XIRP2: variants seen among roughly 807,000 people sequenced by gnomAD.
XIRP2 encodes xin actin binding repeat containing 2.
Under a neutral mutation model 277.0 loss-of-function variants are expected in XIRP2, and 236 were observed. That is an observed-to-expected ratio of 0.85 (90% CI 0.77 to 0.95). The LOEUF is 0.95. XIRP2 is among the 40% of genes least tolerant of loss of function. The pLI is 0.00. For synonymous variants in XIRP2, 1,490 were observed against 1,416.5 expected (o/e 1.05, Z -1.17); for missense variants, 4,640 against 4,157.5 (o/e 1.12, Z -3.19).
chr2:166,985,147 C>T (rs2105438317), intron 2 of XIRP2, among the ~76,000 whole-genome samples: 1 of 152,280 alleles, frequency 6.6e-6, no homozygotes, highest in Admixed American at 6.5e-5. Flanking sequence ...ATGCTAAACA[C>T]ATACTACAAT....
chr2:166,924,172 C>T (rs1685126921), intron 2 of XIRP2, among the ~76,000 whole-genome samples: 1 of 152,042 alleles, frequency 6.6e-6, no homozygotes, highest in African/African-American at 2.4e-5. Flanking sequence ...TTAGGAGATC[C>T]ACTTGGGAGT....
intron 2 of XIRP2, among the ~76,000 whole-genome samples, chr2:167,074,898 T>A (rs1324594776): frequency 6.6e-6 from 1 of 152,126 alleles, no homozygotes; most frequent in Non-Finnish European, 1.5e-5. Flanking sequence ...GTGCTGAGAT[T>A]ACAGGTGTGA....
In XIRP2 at chr2:167,151,369, CAA is replaced by C. The variant is rs546834767; in HGVS notation, c.562+15311_562+15312del. Reference sequence around the variant, plus strand: ...ATAATAGGAAATAAATTCTGAGGCACAAAAAGGCTAACTGAAAGCCTGGACAT... The same window carrying C: ...ATAATAGGAAATAAATTCTGAGGCACAAAGGCTAACTGAAAGCCTGGACAT... On this transcript the variant is annotated intron_variant, in intron 3 of 10. Coordinates refer to ENST00000409195, the MANE Select transcript of XIRP2 (RefSeq NM_152381.6). Among the ~76,000 whole-genome samples the C allele has an allele frequency of 7.9e-5, 12 of 152,148 alleles. No individual in the cohort carries two copies. In the South Asian group the frequency reaches 2.5e-3, roughly 32 times the overall value.
At chr2:167,163,646 G>C (rs1396763909) in intron 3 of XIRP2, among the ~76,000 whole-genome samples, 1 of 152,172 alleles carries the variant, frequency 6.6e-6, no homozygotes, top group Non-Finnish European at 1.5e-5. Context: ...TTAATGAGCA[G>C]AAGTTGTTAA....
Position 167,180,310 on chromosome 2 carries a change from C to T in XIRP2, c.563-30425C>T, listed in dbSNP as rs78744958. Among the ~76,000 whole-genome samples, 466 of 152,252 alleles carry T rather than the reference C, an allele frequency of 3.1e-3. 3 individuals carry two copies. Among genetic ancestry groups the T allele is most frequent in the African/African-American group, 0.011 (451 of 41,562 alleles). On this transcript the variant is annotated intron_variant, in intron 3 of 10. Coordinates refer to ENST00000409195, the MANE Select transcript of XIRP2 (RefSeq NM_152381.6). ...CTGTGCTATTTTGCTCTTTCCTCCTCTGAAACAGTTATGTTTCTTTGATCA... is the reference window on the plus strand; with the variant it reads ...CTGTGCTATTTTGCTCTTTCCTCCTTTGAAACAGTTATGTTTCTTTGATCA...
chr2:166,898,391 AG>A (rs1684297500), intron 1 of XIRP2, among the ~76,000 whole-genome samples: 1 of 152,178 alleles, frequency 6.6e-6, no homozygotes, highest in Admixed American at 6.6e-5. Flanking sequence ...GCCACTGCAC[AG>A]TGTGAATGCT....
chr2:167,251,820 A>G lies in XIRP2; in HGVS notation c.10428A>G (p.Val3476=), dbSNP rs1191578786. ...ATATCTCTGATTCACCTAAAGAAGTAAGAAAAAATTTTCAAAAGACGTGGC... is the reference window on the plus strand; with the variant it reads ...ATATCTCTGATTCACCTAAAGAAGTGAGAAAAAATTTTCAAAAGACGTGGC... ...ILDISDSPKE[V]RKNFQKTWQE... Residue 3476 remains valine (V), a synonymous_variant, in exon 9 of 11, where the codon GTA becomes GTG. Coordinates refer to ENST00000409195, the MANE Select transcript of XIRP2 (RefSeq NM_152381.6). 3.7e-6 allele frequency: 6 copies of G among 1,613,244 alleles called. No individual in the cohort carries two copies. The highest frequency in any genetic ancestry group is 2.2e-5 in the East Asian group (1 of 44,856).
At chr2:166,982,465 C>T (rs1686898494) in intron 2 of XIRP2, among the ~76,000 whole-genome samples, 1 of 151,744 alleles carries the variant, frequency 6.6e-6, no homozygotes, top group African/African-American at 2.4e-5. Context: ...TTCTAGAAGA[C>T]ATATGTATTT....
chr2:167,175,236 T>C (rs958987920), intron 3 of XIRP2, among the ~76,000 whole-genome samples: 6 of 152,204 alleles, frequency 3.9e-5, no homozygotes, highest in Non-Finnish European at 8.8e-5. Context: ...ACTTACTTTA[T>C]GAATCTGGGT....
intron 2 of XIRP2, among the ~76,000 whole-genome samples, chr2:166,938,374 G>C (rs892910452): frequency 6.6e-6 from 1 of 152,172 alleles, no homozygotes; most frequent in Admixed American, 6.5e-5. Flanking sequence ...TTCAGGAGCA[G>C]GTTGTTCAGT....
At chr2:167,169,687 G>T (rs1242260402) in intron 3 of XIRP2, among the ~76,000 whole-genome samples, 2 of 152,092 alleles carry the variant, frequency 1.3e-5, no homozygotes, top group Non-Finnish European at 2.9e-5. Context: ...AAGTGGTAAA[G>T]TTTCTTTAAT....
chr2:167,196,979 C>T (rs1320947431), intron 3 of XIRP2, among the ~76,000 whole-genome samples: 8 of 152,134 alleles, frequency 5.3e-5, no homozygotes, highest in Non-Finnish European at 1.0e-4. Flanking sequence ...TTAGCCATAA[C>T]GTTTCTCATT....
intron 3 of XIRP2, among the ~76,000 whole-genome samples, chr2:167,203,782 AG>A (rs1326269484): frequency 6.6e-6 from 1 of 152,236 alleles, no homozygotes; most frequent in Non-Finnish European, 1.5e-5. Context: ...TTTTATTATT[AG>A]CTGAGGGATT....
At position 166,903,815 on chromosome 2, in the gene XIRP2, C is replaced by A; in HGVS notation, c.333C>A (p.Ser111=). 1 of 1,613,718 alleles carries A rather than the reference C, an allele frequency of 6.2e-7. No homozygotes were observed. Among genetic ancestry groups the A allele is most frequent in the Non-Finnish European group, 8.5e-7 (1 of 1,179,772 alleles). ...GTCGGCGCAGGATTGAACGCTTTTC[C>A]ATTGCCCTTGATGAGCTGAGGAGTG... ...LSSRRRIERF[S]IALDELRSVF... Residue 111 remains serine (S), a synonymous_variant, in exon 2 of 11, where the codon TCC becomes TCA. Coordinates refer to ENST00000409195, the MANE Select transcript of XIRP2 (RefSeq NM_152381.6).
intron 2 of XIRP2, among the ~76,000 whole-genome samples, chr2:167,069,469 T>TA (rs1689384686): frequency 6.6e-6 from 1 of 152,190 alleles, no homozygotes; most frequent in Admixed American, 6.5e-5. Flanking sequence ...TCCCTCCCTC[T>TA]AGTGTGTCCC....
chr2:167,250,478 T>C lies in XIRP2; in HGVS notation c.9086T>C (p.Ile3029Thr). ...AEDMLVSYENIIQTAMMSSKT... is the reference protein window; with the variant it reads ...AEDMLVSYENTIQTAMMSSKT... Reference sequence around the variant, plus strand: ...GATATGCTTGTGTCCTATGAAAATATAATTCAGACAGCCATGATGTCCTCC... The same window carrying C: ...GATATGCTTGTGTCCTATGAAAATACAATTCAGACAGCCATGATGTCCTCC... The change falls in exon 9 of 11, where the codon ATA becomes ACA. Residue 3029 changes from isoleucine (I) to threonine (T), a missense_variant. Physicochemically the swap from Ile to Thr is moderately conservative, Grantham distance 89. Coordinates refer to ENST00000409195, the MANE Select transcript of XIRP2 (RefSeq NM_152381.6). 1 of 1,613,386 alleles carries C rather than the reference T, an allele frequency of 6.2e-7. No individual in the cohort carries two copies. The highest frequency in any genetic ancestry group is 1.7e-4 in the Middle Eastern group (1 of 6,052).
intron 2 of XIRP2, among the ~76,000 whole-genome samples, chr2:166,911,708 T>G (rs1684705810): frequency 6.6e-6 from 1 of 152,232 alleles, no homozygotes; most frequent in Non-Finnish European, 1.5e-5. Context: ...CTAGTATTGA[T>G]GGTCTTAATA....
intron 3 of XIRP2, among the ~76,000 whole-genome samples, chr2:167,150,635 GTGTTT>G (rs1331426316): frequency 6.6e-6 from 1 of 151,878 alleles, no homozygotes; most frequent in Non-Finnish European, 1.5e-5. Context: ...ATATGTTGTT[GTGTTT>G]TATTTAACAT....
chr2:167,010,844 A>T (rs1056762133), intron 2 of XIRP2, among the ~76,000 whole-genome samples: 1 of 151,916 alleles, frequency 6.6e-6, no homozygotes, highest in Admixed American at 6.6e-5. Context: ...TGTGAATGGG[A>T]GTTCACTCAT....
Sources: gnomAD v4.1 joint callset for allele counts (sites outside exome capture counted in the v4.1 genomes callset) on GRCh38, gnomAD v4.1.1 for gene constraint, MANE v1.5 for transcripts, NCBI Gene and HGNC (gene_info 2026-07-23, HGNC 2026-07-21) for gene names.